The following SCAND3 variants were observed in gnomAD, a reference collection of about 807,000 sequenced individuals.
The protein encoded by SCAND3 is SCAN domain-containing protein 3.
At chr6:28,572,038 A>T in the SCAND3 span, 1 of 1,614,082 alleles carries the variant, frequency 6.2e-7, no homozygotes, top group Non-Finnish European at 8.5e-7. The surrounding 1 kb of genome is among the most constrained non-coding windows in gnomAD (Gnocchi z 4.1). Flanking sequence ...AATAACACTT[A>T]AAGTAGAGAA....
chr6:28,579,929 T>C, the SCAND3 span, among the ~76,000 whole-genome samples: 2 of 152,162 alleles, frequency 1.3e-5, no homozygotes, highest in African/African-American at 4.8e-5. The surrounding 1 kb of genome is among the most constrained non-coding windows in gnomAD (Gnocchi z 4.5). Context: ...GTACAAATTG[T>C]TAAAGGATTA....
chr6:28,572,685 C>T, the SCAND3 span: 10 of 1,614,070 alleles, frequency 6.2e-6, no homozygotes, highest in Non-Finnish European at 8.5e-6. The surrounding 1 kb of genome is among the most constrained non-coding windows in gnomAD (Gnocchi z 4.1). Flanking sequence ...ACATTCTTGA[C>T]AGAACTTTTC....
At chr6:28,603,569 G>A in the SCAND3 span, among the ~76,000 whole-genome samples, 1 of 152,004 alleles carries the variant, frequency 6.6e-6, no homozygotes, top group African/African-American at 2.4e-5. Context: ...GACTCTCTAA[G>A]GGAAAATTTT....
At chr6:28,575,532 T>A in the SCAND3 span, 12 of 1,613,842 alleles carry the variant, frequency 7.4e-6, no homozygotes, top group Non-Finnish European at 1.0e-5. This position sits in a 1 kb window ranked among gnomAD's most constrained non-coding sequence, Gnocchi z 4.2. Flanking sequence ...GCAAAATAAA[T>A]CTGTACTCCC....
chr6:28,582,283 CGTTAGT>C, the SCAND3 span, among the ~76,000 whole-genome samples: 1 of 152,038 alleles, frequency 6.6e-6, no homozygotes, highest in African/African-American at 2.4e-5. This position sits in a 1 kb window ranked among gnomAD's most constrained non-coding sequence, Gnocchi z 4.8. Flanking sequence ...CATCAGCAAT[CGTTAGT>C]GTTAGTGTAT....
the SCAND3 span, among the ~76,000 whole-genome samples, chr6:28,600,971 G>A: frequency 4.2e-5 from 6 of 143,616 alleles, no homozygotes; most frequent in Admixed American, 1.5e-4. Flanking sequence ...GCGCGATCTC[G>A]GCTCACCGCA....
At chr6:28,589,831 GTTTCTTTTGTTTGTTTTTTTGT>G in the SCAND3 span, 1 of 140,538 alleles carries the variant, frequency 7.1e-6, no homozygotes, top group Non-Finnish European at 1.5e-5. Flanking sequence ...TCTCGGGCGT[GTTTCTTTTGTTTGTTTTTTTGT>G]TTGTTTTTTT....
the SCAND3 span, chr6:28,575,851 T>C: frequency 1.9e-6 from 3 of 1,614,108 alleles, no homozygotes; most frequent in Non-Finnish European, 1.7e-6. The surrounding 1 kb of genome is among the most constrained non-coding windows in gnomAD (Gnocchi z 4.2). Context: ...AATTAGCTTC[T>C]CATTTCCTTG....
At chr6:28,606,877 C>G in the SCAND3 span, among the ~76,000 whole-genome samples, 1 of 152,162 alleles carries the variant, frequency 6.6e-6, no homozygotes, top group Admixed American at 6.6e-5. Context: ...CAGCTGGTAC[C>G]CTGGCTGCGC....
At chr6:28,572,973 A>C in the SCAND3 span, 8 of 1,613,832 alleles carry the variant, frequency 5.0e-6, no homozygotes, top group Admixed American at 1.7e-5. The surrounding 1 kb of genome is among the most constrained non-coding windows in gnomAD (Gnocchi z 4.1). Context: ...TTGAAGCTGC[A>C]CCATCAGAAC....
the SCAND3 span, among the ~76,000 whole-genome samples, chr6:28,599,297 G>GA: frequency 4.6e-5 from 7 of 152,244 alleles, no homozygotes; most frequent in East Asian, 1.9e-4. Context: ...CTTAGTTGTA[G>GA]AAAAAACAAA....
At chr6:28,576,476 T>C in the SCAND3 span, among the ~76,000 whole-genome samples, 1 of 152,062 alleles carries the variant, frequency 6.6e-6, no homozygotes, top group African/African-American at 2.4e-5. Context: ...GCCAGACTGG[T>C]CTTGAACTCC....
At chr6:28,573,342 T>C in the SCAND3 span, 7 of 1,614,056 alleles carry the variant, frequency 4.3e-6, no homozygotes, top group Non-Finnish European at 5.9e-6. Flanking sequence ...AGCAAACTTC[T>C]TTGATGCAGT....
chr6:28,581,355 T>C, the SCAND3 span, among the ~76,000 whole-genome samples: 3 of 152,040 alleles, frequency 2.0e-5, no homozygotes, highest in African/African-American at 7.2e-5. Context: ...TAAATAAAAA[T>C]GCTGGAAAGA....
chr6:28,607,202 C>G, the SCAND3 span, among the ~76,000 whole-genome samples: 1 of 152,136 alleles, frequency 6.6e-6, no homozygotes, highest in Non-Finnish European at 1.5e-5. Context: ...TGTACGAGGT[C>G]CCGGGTTCAA....
the SCAND3 span, among the ~76,000 whole-genome samples, chr6:28,606,086 A>C: frequency 1.3e-5 from 2 of 152,196 alleles, no homozygotes; most frequent in Non-Finnish European, 2.9e-5. Flanking sequence ...TTAAATTTAC[A>C]AAAGTTCCTA....
the SCAND3 span, chr6:28,586,679 G>A: frequency 1.2e-6 from 2 of 1,613,968 alleles, no homozygotes; most frequent in Non-Finnish European, 1.7e-6. The surrounding 1 kb of genome is among the most constrained non-coding windows in gnomAD (Gnocchi z 4.4). Context: ...CTGGAGCCTG[G>A]CCAGCCAAGG....
chr6:28,600,321 G>A, the SCAND3 span, among the ~76,000 whole-genome samples: 1 of 152,200 alleles, frequency 6.6e-6, no homozygotes, highest in African/African-American at 2.4e-5. Flanking sequence ...AACATCATAC[G>A]TCACTAGGGA....
chr6:28,586,349 C>A, the SCAND3 span: 1 of 1,613,554 alleles, frequency 6.2e-7, no homozygotes, highest in Middle Eastern at 1.7e-4. The surrounding 1 kb of genome is among the most constrained non-coding windows in gnomAD (Gnocchi z 4.4). Flanking sequence ...GCAAAGTCAC[C>A]ACCTCTTCTC....
Sources: gnomAD v4.1 joint callset for allele counts (sites outside exome capture counted in the v4.1 genomes callset) on GRCh38, gnomAD v4.1.1 for gene constraint, Gnocchi (gnomAD v3.1) non-coding constraint, MANE v1.5 for transcripts, NCBI Gene and HGNC (gene_info 2026-07-23, HGNC 2026-07-21) for gene names.